Variants in IPO8 observed in about 807,000 individuals in gnomAD.
IPO8 encodes importin-8.
Under a neutral mutation model 141.2 loss-of-function variants are expected in IPO8, and 65 were observed. The observed-to-expected ratio is 0.46, with a 90% CI of 0.38 to 0.57. IPO8 has a LOEUF of 0.57. Among genes scored for constraint, IPO8 ranks in the 20% least tolerant of loss-of-function variants. The pLI, the probability that IPO8 is intolerant of heterozygous loss-of-function variation, is 0.00. For missense variants in IPO8, 980 were observed against 1,246.8 expected (o/e 0.79, Z 3.22); for synonymous variants, 411 against 420.3 (o/e 0.98, Z 0.27).
chr12:30,653,589 T>TAC (rs2052757342), intron 17 of IPO8, among the ~76,000 whole-genome samples: 1 of 152,012 alleles, frequency 6.6e-6, no homozygotes, highest in Non-Finnish European at 1.5e-5. Flanking sequence ...TTGTAAAACG[T>TAC]ACAGTATTCT....
At chr12:30,694,426 G>A (rs1217441984) in intron 1 of IPO8, among the ~76,000 whole-genome samples, 1 of 152,082 alleles carries the variant, frequency 6.6e-6, no homozygotes, top group East Asian at 1.9e-4. Flanking sequence ...ACTCCACCTA[G>A]GTTTCCTATT....
intron 5 of IPO8, chr12:30,677,000 C>CA: frequency 6.6e-7 from 1 of 1,518,464 alleles, no homozygotes; most frequent in African/African-American, 1.4e-5. Flanking sequence ...TACACTGTAG[C>CA]ATAATAACTA....
At position 30,631,890 on chromosome 12, in the gene IPO8, C is replaced by G; in HGVS notation, c.3016+5G>C. ...CACTCCACTCTGGAGGTTACTCTGG[C>G]TGACCTGCCACCGTCCGTCGGTGCT... On this transcript the variant is annotated splice_donor_5th_base_variant and intron_variant, in intron 24 of 24. Coordinates refer to ENST00000256079, the MANE Select transcript of IPO8 (RefSeq NM_006390.4). 1.2e-6 allele frequency: 2 copies of G among 1,602,530 alleles called. No homozygotes were observed.
chr12:30,653,681 C>A (rs1359544178), intron 17 of IPO8, among the ~76,000 whole-genome samples: 1 of 151,898 alleles, frequency 6.6e-6, no homozygotes, highest in Non-Finnish European at 1.5e-5. Flanking sequence ...ATATCATTAT[C>A]CTCAGTCAAA....
chr12:30,657,032 A>G (rs190612819), intron 16 of IPO8, among the ~76,000 whole-genome samples: 1 of 152,250 alleles, frequency 6.6e-6, no homozygotes, highest in African/African-American at 2.4e-5. Context: ...GAAGAAATAA[A>G]CCATAAAAAA....
rs1351551070 is a variant in IPO8 at position 30,634,295 on chromosome 12, C to T, written c.2696-9G>A. 6.2e-7 allele frequency: 1 copy of T among 1,603,904 alleles called. No individual in the cohort carries two copies. The highest frequency in any genetic ancestry group is 8.5e-7 in the Non-Finnish European group (1 of 1,171,348). ...ATCACTTGAAATCTCCTCTGTGAAC[C>T]CATTAATTATTTAAAAGGAATCAAA... is the stretch of plus-strand genomic sequence containing the variant. On this transcript the variant is annotated splice_polypyrimidine_tract_variant and intron_variant, in intron 22 of 24. Coordinates refer to ENST00000256079, the MANE Select transcript of IPO8 (RefSeq NM_006390.4).
chr12:30,642,474 G>A (rs2136130385), intron 20 of IPO8, among the ~76,000 whole-genome samples: 1 of 151,690 alleles, frequency 6.6e-6, no homozygotes. Context: ...ATGTTTTATT[G>A]ACTAAAAAAA....
rs569389258 is a variant in IPO8 at position 30,682,276 on chromosome 12, G to A, written c.324-459C>T. ...ACATAATGGTGGGAAGCTTCTCTAT[G>A]GGCCAAAACCTTGAACTCATCCATT... On this transcript the variant is annotated intron_variant, in intron 3 of 24. Transcript: ENST00000256079. 2.6e-5 allele frequency among the ~76,000 whole-genome samples: 4 copies of A among 152,172 alleles called. 1 individual carries two copies. The highest frequency in any genetic ancestry group is 1.5e-5 in the Non-Finnish European group (1 of 67,986).
intron 19 of IPO8, among the ~76,000 whole-genome samples, chr12:30,651,815 C>T (rs569061964): frequency 6.6e-6 from 1 of 152,058 alleles, no homozygotes; most frequent in African/African-American, 2.4e-5. Context: ...GTTGTTTATG[C>T]TCAAATTACC....
intron 17 of IPO8, among the ~76,000 whole-genome samples, chr12:30,654,111 T>C (rs1265056305): frequency 6.6e-6 from 1 of 151,908 alleles, no homozygotes; most frequent in Non-Finnish European, 1.5e-5. Context: ...GAAAGGACAG[T>C]CTCTTCAATA....
In IPO8 at chr12:30,690,488, C is replaced by A; in HGVS notation, c.166+8G>T. The A allele has an allele frequency of 6.5e-7, 1 of 1,545,244 alleles. No homozygotes were observed. The highest frequency in any genetic ancestry group is 1.7e-4 in the Middle Eastern group (1 of 5,940). ...AATAAATTTATAAAGGATAAAAAAC[C>A]AACTCACCTGCCTGTCGTACTGGGA... On this transcript the variant is annotated splice_region_variant and intron_variant, in intron 2 of 24. Coordinates refer to ENST00000256079, the MANE Select transcript of IPO8 (RefSeq NM_006390.4).
At chr12:30,656,534 C>T in intron 17 of IPO8, 150 bp downstream of exon 17, 1 of 466,866 alleles carries the variant, frequency 2.1e-6, no homozygotes, top group Non-Finnish European at 3.9e-6. Context: ...AGATATTTAA[C>T]ACTAGAAAGG....
intron 10 of IPO8, 149 bp from the exon 11 acceptor site, chr12:30,666,400 A>T: frequency 2.1e-6 from 1 of 482,364 alleles, no homozygotes; most frequent in East Asian, 3.2e-5. Flanking sequence ...AAGGATATAC[A>T]GTGGCACCAC....
At chr12:30,690,439 A>G (rs777211237) in intron 2 of IPO8, 57 bp downstream of exon 2, 1 of 963,196 alleles carries the variant, frequency 1.0e-6, no homozygotes, top group Non-Finnish European at 1.6e-6. Context: ...TTAAAATAAA[A>G]CTCTCATTCT....
At chr12:30,631,785 G>A in intron 24 of IPO8, 110 bp downstream of exon 24, 2 of 673,590 alleles carry the variant, frequency 3.0e-6, no homozygotes, top group Non-Finnish European at 5.3e-6. Context: ...TAAAGGGTAA[G>A]TCTCTAACAA....
In IPO8 at chr12:30,630,752, C is replaced by T. The variant is rs556518150; in HGVS notation, c.*108G>A. ...GCCTAATGCCAGATGGTAACTGGCACAGCAGGAGGGCCCTAAAAGCAGCCC... is the reference window on the plus strand; with the variant it reads ...GCCTAATGCCAGATGGTAACTGGCATAGCAGGAGGGCCCTAAAAGCAGCCC... On this transcript the variant is annotated 3_prime_UTR_variant, in exon 25 of 25. Coordinates refer to ENST00000256079, the MANE Select transcript of IPO8 (RefSeq NM_006390.4). 78 of 802,906 alleles carry T rather than the reference C, an allele frequency of 9.7e-5. No homozygotes were observed. In the African/African-American group the frequency reaches 1.2e-3, roughly 12 times the overall value. 49.7% of individuals were successfully genotyped at this position (802,906 alleles called of 1,614,324 possible). A position where few individuals can be genotyped will look rare whatever the true frequency, so the allele number is the denominator to read the frequency against.
In IPO8 at chr12:30,637,030, T is replaced by C; in HGVS notation, c.2647A>G (p.Asn883Asp). The C allele has an allele frequency of 6.2e-7, 1 of 1,614,114 alleles. No individual in the cohort carries two copies. The highest frequency in any genetic ancestry group is 1.3e-5 in the African/African-American group (1 of 75,050). ...KQVCATRQLV[N>D]REDRSKAEKA... ...TCTGCTTTTGAACGATCTTCCCGGT[T>C]TACCAGTTGTCTAGTAGCACAGACC... Residue 883 changes from asparagine (N) to aspartate (D), a missense_variant, in exon 22 of 25, where the codon AAC becomes GAC. Coordinates refer to ENST00000256079, the MANE Select transcript of IPO8 (RefSeq NM_006390.4).
rs192033202 is a variant in IPO8, at chr12:30,659,175, G to A, written c.1881+1966C>T. ...GATTACAGGCATGAGCCACCGCGCCGGGCCTTATCAAGCCATTTTTAAGAA... is the reference window on the plus strand; with the variant it reads ...GATTACAGGCATGAGCCACCGCGCCAGGCCTTATCAAGCCATTTTTAAGAA... On this transcript the variant is annotated intron_variant, in intron 16 of 24. Transcript: ENST00000256079. 1.5e-3 allele frequency among the ~76,000 whole-genome samples: 229 copies of A among 151,894 alleles called. 1 individual carries two copies. Among genetic ancestry groups the A allele is most frequent in the Admixed American group, 5.0e-3 (77 of 15,274 alleles).
chr12:30,677,240 A>G, intron 5 of IPO8: 1 of 461,442 alleles, frequency 2.2e-6, no homozygotes, highest in Admixed American at 2.6e-5. Context: ...TGCATATACA[A>G]CAATGGTCCC....
Sources: allele counts gnomAD v4.1 joint callset (sites outside exome capture counted in the v4.1 genomes callset), GRCh38; gene constraint gnomAD v4.1.1; transcripts MANE v1.5; gene names NCBI Gene and HGNC (gene_info 2026-07-23, HGNC 2026-07-21).